The following LYPLA1 variants were observed in gnomAD, a reference collection of about 807,000 sequenced individuals.
LYPLA1 encodes lysophospholipase 1, also known as acyl-protein thioesterase 1.
LYPLA1 carries 17 observed loss-of-function variants against 34.0 expected under a neutral mutation model. The observed-to-expected ratio is 0.50, with a 90% confidence interval of 0.34 to 0.75. LYPLA1 has a LOEUF of 0.75. Ranked by LOEUF, LYPLA1 falls within the 30% of genes least tolerant of loss-of-function variation. LYPLA1 has a pLI of 0.01. For missense variants in LYPLA1, 203 were observed against 288.8 expected (o/e 0.70, Z 2.15); for synonymous variants, 98 against 100.8 (o/e 0.97, Z 0.17).
chr8:54,100,615 C>T (rs971629123), intron 2 of LYPLA1: 2 of 375,752 alleles, frequency 5.3e-6, no homozygotes, highest in South Asian at 2.6e-5. Flanking sequence ...AATTGCACAC[C>T]GTCCCTACTA....
At chr8:54,094,020 C>T (rs1212470749) in intron 2 of LYPLA1, among the ~76,000 whole-genome samples, 1 of 152,206 alleles carries the variant, frequency 6.6e-6, no homozygotes, top group Non-Finnish European at 1.5e-5. Context: ...TACAGGAAGA[C>T]TTGCAAACTT....
intron 2 of LYPLA1, among the ~76,000 whole-genome samples, chr8:54,074,949 T>C (rs1233166908): frequency 1.3e-5 from 2 of 152,196 alleles, no homozygotes; most frequent in African/African-American, 4.8e-5. Flanking sequence ...TTAAAACAAT[T>C]AGGTAATGCC....
At chr8:54,093,853 A>C (rs1406494589) in intron 2 of LYPLA1, among the ~76,000 whole-genome samples, 1 of 152,228 alleles carries the variant, frequency 6.6e-6, no homozygotes, top group Non-Finnish European at 1.5e-5. Flanking sequence ...TTATTAAAGA[A>C]ACCTTTGCCT....
intron 2 of LYPLA1, among the ~76,000 whole-genome samples, chr8:54,081,931 T>C (rs1808355025): frequency 6.6e-6 from 1 of 152,102 alleles, no homozygotes; most frequent in Non-Finnish European, 1.5e-5. Context: ...GGTTTCGCCA[T>C]GTTGGCCAGG....
rs2129319254 is a variant in LYPLA1, at chr8:54,046,521, T to A, written c.*1544A>T. On this transcript the variant is annotated 3_prime_UTR_variant, in exon 9 of 9. Transcript: ENST00000316963. ...GTAGAAGTGAAATAACAGTTTATGT[T>A]CTTCAAGGTAAAGAAAAATGACATA... 1 of 152,776 alleles carries A rather than the reference T, an allele frequency of 6.5e-6. No individual in the cohort carries two copies. The highest frequency in any genetic ancestry group is 2.4e-5 in the African/African-American group (1 of 41,598). The allele number at this position is 152,776 out of a possible 1,614,324, so 9.5% of individuals were successfully genotyped here.
At chr8:54,062,190 A>T in intron 5 of LYPLA1, 64 bp downstream of exon 5, 1 of 1,169,196 alleles carries the variant, frequency 8.6e-7, no homozygotes, top group Non-Finnish European at 1.3e-6. Flanking sequence ...TAGCGATATG[A>T]TTACTAAATC....
At chr8:54,064,043 T>C (rs1806857556) in intron 3 of LYPLA1, among the ~76,000 whole-genome samples, 1 of 142,788 alleles carries the variant, frequency 7.0e-6, no homozygotes, top group Non-Finnish European at 1.5e-5. Context: ...TCTTTGAAAA[T>C]ACAAACTTCC....
At chr8:54,091,020 T>C (rs1659860878) in intron 2 of LYPLA1, among the ~76,000 whole-genome samples, 1 of 152,138 alleles carries the variant, frequency 6.6e-6, no homozygotes, top group Non-Finnish European at 1.5e-5. Context: ...AATTACCCAG[T>C]TTCGGTAATT....
chr8:54,072,623 A>T lies in LYPLA1; in HGVS notation c.102-6810T>A, dbSNP rs565212164. 2.9e-5 allele frequency among the ~76,000 whole-genome samples: 4 copies of T among 137,588 alleles called. No homozygotes were observed. In the East Asian group the frequency reaches 5.9e-4, roughly 20 times the overall value. 90.3% of individuals were successfully genotyped at this position (137,588 alleles called of 152,430 possible). A position where few individuals can be genotyped will look rare whatever the true frequency, so the allele number is the denominator to read the frequency against. The stretch of plus-strand genomic sequence containing the variant: ...ATAAACTTGCTTCCACTTTACTGTT[A>T]AAAAAAAAAAAATCAAACAACCCCA... On this transcript the variant is annotated intron_variant, in intron 2 of 8. Coordinates refer to ENST00000316963, the MANE Select transcript of LYPLA1 (RefSeq NM_006330.4).
At chr8:54,091,620 GGAA>G (rs2129364932) in intron 2 of LYPLA1, among the ~76,000 whole-genome samples, 1 of 143,588 alleles carries the variant, frequency 7.0e-6, no homozygotes, top group South Asian at 2.2e-4. Flanking sequence ...AAGGAAGGAA[GGAA>G]GGAGAAATAC....
At chr8:54,062,488 A>ATTTAT (rs1563586497) in intron 4 of LYPLA1, among the ~76,000 whole-genome samples, 164 bp from the exon 5 acceptor site, 5 of 136,162 alleles carry the variant, frequency 3.7e-5, no homozygotes, top group African/African-American at 1.4e-4. Context: ...ACGAAGTCTC[A>ATTTAT]CTATTTATTT....
chr8:54,096,737 G>A (rs1809716655), intron 2 of LYPLA1, among the ~76,000 whole-genome samples: 1 of 149,650 alleles, frequency 6.7e-6, no homozygotes, highest in South Asian at 2.1e-4. Context: ...GGCGAGACAA[G>A]GTCTCAAAAA....
At chr8:54,088,084 A>G (rs550044663) in intron 2 of LYPLA1, among the ~76,000 whole-genome samples, 127 of 152,364 alleles carry the variant, frequency 8.3e-4, no homozygotes, top group African/African-American at 3.0e-3. Context: ...AAAGATAAAA[A>G]CACTTTTAAA....
chr8:54,098,496 T>C (rs1809860068), intron 2 of LYPLA1, among the ~76,000 whole-genome samples: 1 of 152,062 alleles, frequency 6.6e-6, no homozygotes, highest in Non-Finnish European at 1.5e-5. Context: ...CTGGCCAACA[T>C]GGCAAAACCC....
Position 54,091,263 on chromosome 8 carries a change from G to A in LYPLA1, c.101+9645C>T, listed in dbSNP as rs572291753. On this transcript the variant is annotated intron_variant, in intron 2 of 8. Transcript: ENST00000316963. ...AGCACTTTGGGAGGCCGAGGTGGGCGGATCACCTGAGGTCAGGAGTTCAAG... is the reference window on the plus strand; with the variant it reads ...AGCACTTTGGGAGGCCGAGGTGGGCAGATCACCTGAGGTCAGGAGTTCAAG... Among the ~76,000 whole-genome samples the A allele has an allele frequency of 7.5e-4, 114 of 151,460 alleles. 2 individuals carry two copies. In the South Asian group the frequency reaches 0.021, roughly 28 times the overall value.
At chr8:54,058,184 G>A (rs544568035) in intron 5 of LYPLA1, among the ~76,000 whole-genome samples, 64 of 152,258 alleles carry the variant, frequency 4.2e-4, no homozygotes, top group African/African-American at 1.5e-3. Flanking sequence ...GTTAAGTGTT[G>A]TACGTAGTTA....
intron 2 of LYPLA1, among the ~76,000 whole-genome samples, chr8:54,081,870 C>T (rs1043066157): frequency 2.0e-5 from 3 of 152,044 alleles, no homozygotes; most frequent in African/African-American, 7.2e-5. Flanking sequence ...GCTGCGATTA[C>T]AGGCATGTGC....
At position 54,051,189 on chromosome 8, in the gene LYPLA1, C is replaced by A. The variant is rs941363272; in HGVS notation, c.463-1G>T. 2 of 1,583,666 alleles carry A rather than the reference C, an allele frequency of 1.3e-6. No homozygotes were observed. Among genetic ancestry groups the A allele is most frequent in the Admixed American group, 3.7e-5 (2 of 53,712 alleles). On this transcript the variant is annotated splice_acceptor_variant, in intron 7 of 8. Coordinates refer to ENST00000316963, the MANE Select transcript of LYPLA1 (RefSeq NM_006330.4). LOFTEE classifies it high-confidence loss of function. ...CTCTATTAGCACCACCGATAGGACC[C>A]TGCAAAAAGCAAAAGAAGAAATAGT...
At position 54,055,690 on chromosome 8, in the gene LYPLA1, C is replaced by T. The variant is rs1806159195; in HGVS notation, c.287-557G>A. Among the ~76,000 whole-genome samples the T allele has an allele frequency of 2.0e-5, 3 of 150,852 alleles. No homozygotes were observed. The South Asian group carries it at 6.3e-4, about 32-fold the overall frequency. ...ACAAAGTCTCGCTCTGTCACCCAGGCTGGAGTGCAGTGGCGTGATCTTGGC... is the reference window on the plus strand; with the variant it reads ...ACAAAGTCTCGCTCTGTCACCCAGGTTGGAGTGCAGTGGCGTGATCTTGGC... On this transcript the variant is annotated intron_variant, in intron 5 of 8. Coordinates refer to ENST00000316963, the MANE Select transcript of LYPLA1 (RefSeq NM_006330.4).
Sources: gnomAD v4.1 joint callset for allele counts (sites outside exome capture counted in the v4.1 genomes callset) on GRCh38, gnomAD v4.1.1 for gene constraint, MANE v1.5 for transcripts, NCBI Gene and HGNC (gene_info 2026-07-23, HGNC 2026-07-21) for gene names.